GPLD1: variants seen among roughly 807,000 people sequenced by gnomAD.
GPLD1 encodes glycosylphosphatidylinositol specific phospholipase D1, also known as phosphatidylinositol-glycan-specific phospholipase D.
In GPLD1, 84 loss-of-function variants were observed where a neutral mutation model predicts 112.6. The observed-to-expected ratio is 0.75, with a 90% CI of 0.63 to 0.89. GPLD1 has a LOEUF of 0.89. GPLD1 is among the 40% of genes least tolerant of loss of function. The probability of loss-of-function intolerance (pLI) is 0.00; values close to 1 mark genes in which losing one functional copy is unlikely to be tolerated. For missense variants in GPLD1, 1,044 were observed against 1,051.5 expected (o/e 0.99, Z 0.10); for synonymous variants, 386 against 403.8 (o/e 0.96, Z 0.53).
At chr6:24,474,174 TACACACACACACACACAC>T (rs56324939) in intron 5 of GPLD1, among the ~76,000 whole-genome samples, 51 of 145,642 alleles carry the variant, frequency 3.5e-4, no homozygotes, top group Non-Finnish European at 5.7e-4. Flanking sequence ...CACACCCACA[TACACACACACACACACAC>T]ACACACACAC....
chr6:24,433,544 G>T (rs1215620451), intron 22 of GPLD1, 155 bp from the exon 23 acceptor site: 2 of 562,732 alleles, frequency 3.6e-6, no homozygotes, highest in Non-Finnish European at 3.1e-6. Flanking sequence ...CCAGGCTGGA[G>T]TGCAGTGGCG....
intron 11 of GPLD1, among the ~76,000 whole-genome samples, chr6:24,461,414 A>T (rs577780361): frequency 2.0e-5 from 3 of 152,232 alleles, no homozygotes; most frequent in Admixed American, 2.0e-4. Context: ...TGTAATTTTC[A>T]TTCTTCCAAA....
Position 24,466,811 on chromosome 6 carries a change from G to A in GPLD1, c.690C>T (p.Pro230=), listed in dbSNP as rs1314805499. ...AAAACGGGGACTTTGTAGAGTAAGT[G>A]GGATATAACTATGGCAGAGAGAAAG... The part of the protein sequence containing the change: ...GEMLAVSKLY[P]TYSTKSPFLV... Residue 230 remains proline, a synonymous_variant, in exon 10 of 25, where the codon CCC becomes CCT. Coordinates refer to ENST00000230036, the MANE Select transcript of GPLD1 (RefSeq NM_001503.4). 1 of 1,608,276 alleles carries A rather than the reference G, an allele frequency of 6.2e-7. No individual in the cohort carries two copies. The highest frequency in any genetic ancestry group is 1.3e-5 in the African/African-American group (1 of 74,516).
chr6:24,488,253 T>A (rs1324475152), intron 1 of GPLD1, among the ~76,000 whole-genome samples: 1 of 151,142 alleles, frequency 6.6e-6, no homozygotes, highest in Non-Finnish European at 1.5e-5. Context: ...TAAAAAAAAA[T>A]ACAAAAAAAT....
At chr6:24,464,019 T>C (rs1763517123) in intron 10 of GPLD1, among the ~76,000 whole-genome samples, 1 of 152,216 alleles carries the variant, frequency 6.6e-6, no homozygotes, top group African/African-American at 2.4e-5. Context: ...CCTTAGCTAT[T>C]TGGAGAACCA....
chr6:24,482,391 C>T (rs1764234381), intron 2 of GPLD1, among the ~76,000 whole-genome samples: 1 of 152,152 alleles, frequency 6.6e-6, no homozygotes, highest in Non-Finnish European at 1.5e-5. Flanking sequence ...AGTGATTCTC[C>T]TGCCTCAGCC....
At chr6:24,468,029 C>A (rs1335930285) in intron 7 of GPLD1, among the ~76,000 whole-genome samples, 1 of 152,148 alleles carries the variant, frequency 6.6e-6, no homozygotes, top group Admixed American at 6.5e-5. Flanking sequence ...GCCTCAGCCT[C>A]CCAAGCAGCT....
At chr6:24,455,309 A>G (rs1049501410) in intron 13 of GPLD1, among the ~76,000 whole-genome samples, 1 of 152,198 alleles carries the variant, frequency 6.6e-6, no homozygotes, top group African/African-American at 2.4e-5. Context: ...AGCCATACAC[A>G]CAAGTGAACG....
chr6:24,466,619 G>T (rs1259895280), intron 10 of GPLD1, 61 bp downstream of exon 10: 10 of 1,387,330 alleles, frequency 7.2e-6, no homozygotes, highest in Non-Finnish European at 1.0e-5. Flanking sequence ...TGAGAGTTAT[G>T]TTGGGGGATG....
At chr6:24,473,403 A>G in intron 6 of GPLD1, 1 of 367,736 alleles carries the variant, frequency 2.7e-6, no homozygotes, top group Non-Finnish European at 5.0e-6. Flanking sequence ...AAAGTGTAGA[A>G]TTTTTTAACA....
chr6:24,433,191 G>A lies in GPLD1; in HGVS notation c.2432C>T (p.Ala811Val), dbSNP rs769897528. ...GSSLITVRSK[A>V]KNQVVIAAGR... Reference sequence around the variant, plus strand: ...AAGTTCAGTCCTTGGGCTCACCTTTGCCTTGGACCTCACGGTGATGAGGGA... The same window carrying A: ...AAGTTCAGTCCTTGGGCTCACCTTTACCTTGGACCTCACGGTGATGAGGGA... Residue 811 changes from alanine to valine, a missense_variant, in exon 24 of 25, where the codon GCA becomes GTA. Physicochemically the swap from Ala to Val is moderately conservative, Grantham distance 64 (BLOSUM62 0). Transcript: ENST00000230036. 1 of 1,608,864 alleles carries A rather than the reference G, an allele frequency of 6.2e-7. No homozygotes were observed. The highest frequency in any genetic ancestry group is 8.5e-7 in the Non-Finnish European group (1 of 1,175,194).
chr6:24,443,694 T>C (rs530500599), intron 20 of GPLD1, among the ~76,000 whole-genome samples: 72 of 152,174 alleles, frequency 4.7e-4, no homozygotes, highest in African/African-American at 1.6e-3. Context: ...TTTTTGAGAC[T>C]GAGTCTCACT....
rs144452749 is a variant in GPLD1, at chr6:24,473,309, A to G, written c.490+310T>C. ...GAGTTTACTAGTTTAAAGCTAAAGT[A>G]TTAGGAAAGTAGGAGACACTAGCTA... On this transcript the variant is annotated intron_variant, in intron 6 of 24. Coordinates refer to ENST00000230036, the MANE Select transcript of GPLD1 (RefSeq NM_001503.4). 2.9e-4 allele frequency: 60 copies of G among 209,172 alleles called. 1 individual carries two copies. The East Asian group carries it at 4.8e-3, about 17-fold the overall frequency. 13.0% of individuals were successfully genotyped at this position (209,172 alleles called of 1,614,324 possible).
At chr6:24,466,015 C>G (rs1440502684) in intron 10 of GPLD1, among the ~76,000 whole-genome samples, 2 of 152,162 alleles carry the variant, frequency 1.3e-5, no homozygotes, top group African/African-American at 4.8e-5. Context: ...CTGTGGAGAC[C>G]TGGCACTCCA....
intron 7 of GPLD1, among the ~76,000 whole-genome samples, chr6:24,470,605 T>A (rs1161973553): frequency 6.6e-6 from 1 of 152,180 alleles, no homozygotes; most frequent in Non-Finnish European, 1.5e-5. Context: ...TTTTTTCTTT[T>A]TTTATTTTTT....
intron 24 of GPLD1, among the ~76,000 whole-genome samples, chr6:24,429,910 T>C (rs1021789740): frequency 2.0e-5 from 3 of 152,200 alleles, no homozygotes; most frequent in Non-Finnish European, 2.9e-5. Flanking sequence ...TTGTGGAAAC[T>C]GACAAAAGTT....
intron 20 of GPLD1, among the ~76,000 whole-genome samples, chr6:24,437,708 C>T (rs1283282172): frequency 1.3e-5 from 2 of 152,186 alleles, no homozygotes; most frequent in Non-Finnish European, 2.9e-5. Context: ...CCACACTTCA[C>T]CAAAATGAAC....
chr6:24,479,148 C>T (rs1234845877), intron 3 of GPLD1, among the ~76,000 whole-genome samples: 1 of 152,084 alleles, frequency 6.6e-6, no homozygotes, highest in Non-Finnish European at 1.5e-5. Context: ...ACCTCCCCTC[C>T]AGCCAGAGAG....
chr6:24,466,924 T>A lies in GPLD1; in HGVS notation c.669A>T (p.Leu223=). 1 of 1,611,176 alleles carries A rather than the reference T, an allele frequency of 6.2e-7. No individual in the cohort carries two copies. Among genetic ancestry groups the A allele is most frequent in the Non-Finnish European group, 8.5e-7 (1 of 1,177,306 alleles). ...IQFLEMYGEM[L]AVSKLYPTYS... is the part of the protein sequence containing the mutation. ...ATGACGCCTTTACCTTGGAAACAGC[T>A]AGCATCTCACCATACCTGCAAAATA... The change falls in exon 9 of 25, where the codon CTA becomes CTT. Residue 223 remains leucine (L), a synonymous_variant. Transcript: ENST00000230036.
Sources: allele counts gnomAD v4.1 joint callset (sites outside exome capture counted in the v4.1 genomes callset), GRCh38; gene constraint gnomAD v4.1.1; transcripts MANE v1.5; gene names NCBI Gene and HGNC (gene_info 2026-07-23, HGNC 2026-07-21).